NLN: variants seen among roughly 807,000 people sequenced by gnomAD.
NLN encodes the protein neurolysin, mitochondrial.
Under a neutral mutation model 79.9 loss-of-function variants are expected in NLN, and 64 were observed. The observed-to-expected ratio is 0.80, with a 90% CI of 0.65 to 0.99. NLN has a LOEUF of 0.99. NLN is among the 50% of genes least tolerant of loss of function. The pLI is 0.00. For synonymous variants in NLN, 267 were observed against 296.6 expected (o/e 0.90, Z 1.02); for missense variants, 835 against 858.7 (o/e 0.97, Z 0.34).
intron 3 of NLN, among the ~76,000 whole-genome samples, chr5:65,774,180 G>A (rs1315674223): frequency 6.6e-6 from 1 of 151,558 alleles, no homozygotes; most frequent in Non-Finnish European, 1.5e-5. Flanking sequence ...ATGCAGACAG[G>A]GAGAGAGAAT....
At chr5:65,730,040 T>C (rs1257052137) in intron 1 of NLN, among the ~76,000 whole-genome samples, 1 of 152,230 alleles carries the variant, frequency 6.6e-6, no homozygotes, top group Non-Finnish European at 1.5e-5. Flanking sequence ...GATAATTGAT[T>C]GGCTGATTTC....
intron 3 of NLN, among the ~76,000 whole-genome samples, chr5:65,766,116 G>T (rs1335703315): frequency 6.6e-6 from 1 of 152,164 alleles, no homozygotes; most frequent in African/African-American, 2.4e-5. Flanking sequence ...CTGACTTGGG[G>T]TCTGACATGT....
intron 1 of NLN, among the ~76,000 whole-genome samples, chr5:65,731,391 A>G (rs1227827781): frequency 6.6e-6 from 1 of 152,224 alleles, no homozygotes; most frequent in African/African-American, 2.4e-5. Flanking sequence ...CAGGTAGAAA[A>G]TTGAGGCCAT....
At chr5:65,801,818 T>TG (rs5868421) in intron 9 of NLN, among the ~76,000 whole-genome samples, 109,368 of 151,920 alleles carry the variant, frequency 0.72, 39,707 homozygotes, top group African/African-American at 0.8. Context: ...CATTTGTGTA[T>TG]TTTTTTTCTG....
At position 65,789,201 on chromosome 5, in the gene NLN, T is replaced by C. The variant is rs1469487716; in HGVS notation, c.1325+717T>C. Among the ~76,000 whole-genome samples the C allele has an allele frequency of 2.0e-5, 3 of 152,332 alleles. No homozygotes were observed. In the East Asian group the frequency reaches 5.8e-4, roughly 29 times the overall value. ...TCACATGGGCTTCTTAGTATACAGA[T>C]TTAAAATGTGGGTCTGAAGCCAGAA... is the stretch of plus-strand genomic sequence containing the variant. On this transcript the variant is annotated intron_variant, in intron 8 of 12. Transcript: ENST00000380985.
intron 1 of NLN, among the ~76,000 whole-genome samples, chr5:65,743,565 A>G (rs1758912829): frequency 6.6e-6 from 1 of 152,198 alleles, no homozygotes; most frequent in Non-Finnish European, 1.5e-5. Flanking sequence ...AAAAATATAT[A>G]CAAACAGTAT....
intron 1 of NLN, among the ~76,000 whole-genome samples, chr5:65,730,876 C>G (rs149748096): frequency 5.9e-5 from 9 of 152,248 alleles, no homozygotes; most frequent in African/African-American, 2.2e-4. Context: ...AAGATTGAAA[C>G]AAATATAGAA....
intron 1 of NLN, among the ~76,000 whole-genome samples, chr5:65,752,778 A>G (rs767719233): frequency 5.9e-5 from 9 of 152,238 alleles, no homozygotes; most frequent in Non-Finnish European, 1.3e-4. Flanking sequence ...AAAATGTTTT[A>G]GTTAGAAGTA....
intron 1 of NLN, among the ~76,000 whole-genome samples, chr5:65,737,004 C>T (rs1016563416): frequency 2.0e-5 from 3 of 152,052 alleles, no homozygotes; most frequent in African/African-American, 4.8e-5. Context: ...ACTCGGAAGG[C>T]TAAGGTGGGA....
chr5:65,737,291 AATAAATCTCTAAATG>A (rs1758748529), intron 1 of NLN, among the ~76,000 whole-genome samples: 1 of 152,130 alleles, frequency 6.6e-6, no homozygotes, highest in South Asian at 2.1e-4. Flanking sequence ...TCTCTAAACT[AATAAATCTCTAAATG>A]GTAACATCAT....
At chr5:65,818,804 A>C (rs1229522312) in intron 12 of NLN, 1 of 152,108 alleles carries the variant, frequency 6.6e-6, no homozygotes, top group Non-Finnish European at 1.5e-5. Flanking sequence ...CAGTGTAGGA[A>C]GGAGACAGCT....
rs141646760 is a variant in NLN, at chr5:65,725,339, T to C, written c.41+2925T>C. Among the ~76,000 whole-genome samples the C allele has an allele frequency of 6.0e-3, 919 of 152,344 alleles. 20 individuals carry two copies. Among genetic ancestry groups the C allele is most frequent in the Admixed American group, 0.047 (723 of 15,302 alleles). ...ATCAAAGTTTGACAAATCGTAGCTT[T>C]TTAAAGGTTAGTTACAAAGTGGAAT... On this transcript the variant is annotated intron_variant, in intron 1 of 12. Coordinates refer to ENST00000380985, the MANE Select transcript of NLN (RefSeq NM_020726.5).
chr5:65,734,608 C>T (rs1295562362), intron 1 of NLN, among the ~76,000 whole-genome samples: 2 of 151,760 alleles, frequency 1.3e-5, no homozygotes, highest in Admixed American at 6.6e-5. Context: ...TCCTGTTTGG[C>T]ATTCAAGAGG....
intron 1 of NLN, among the ~76,000 whole-genome samples, chr5:65,749,619 G>A (rs909476596): frequency 7.2e-5 from 11 of 152,186 alleles, no homozygotes; most frequent in Non-Finnish European, 1.3e-4. Context: ...TGGAACAGTG[G>A]CAGAATGTAT....
chr5:65,744,518 A>G (rs960424874), intron 1 of NLN, among the ~76,000 whole-genome samples: 14 of 149,066 alleles, frequency 9.4e-5, no homozygotes, highest in Admixed American at 7.4e-4. Context: ...TCATAATTCC[A>G]GATGATAGAT....
At chr5:65,757,571 T>C (rs1306706598) in intron 1 of NLN, among the ~76,000 whole-genome samples, 1 of 151,900 alleles carries the variant, frequency 6.6e-6, no homozygotes, top group Admixed American at 6.6e-5. Flanking sequence ...ACATTTTTAT[T>C]TGTAAGCCCT....
intron 12 of NLN, among the ~76,000 whole-genome samples, chr5:65,819,838 A>G (rs1331864424): frequency 6.6e-6 from 1 of 152,196 alleles, no homozygotes; most frequent in African/African-American, 2.4e-5. Flanking sequence ...AAATTCACTT[A>G]ACTATTTTTT....
chr5:65,731,546 C>T (rs1350586766), intron 1 of NLN, among the ~76,000 whole-genome samples: 2 of 152,028 alleles, frequency 1.3e-5, no homozygotes, highest in Admixed American at 6.6e-5. Flanking sequence ...ATAGATGTTT[C>T]AGTTGTTTTT....
Position 65,815,943 on chromosome 5 carries a change from G to A in NLN, c.1980+3552G>A, listed in dbSNP as rs1760660397. ...GATGAAGAGAAAAAGAAATTCTTTT[G>A]TTGTCCCAAAGCATTAATTTTTGGT... On this transcript the variant is annotated intron_variant, in intron 12 of 12. Transcript: ENST00000380985. Among the ~76,000 whole-genome samples, 5 of 152,044 alleles carry A rather than the reference G, an allele frequency of 3.3e-5. 1 individual carries two copies. The South Asian group carries it at 1.0e-3, about 32-fold the overall frequency.
Sources: allele counts gnomAD v4.1 joint callset (sites outside exome capture counted in the v4.1 genomes callset), GRCh38; gene constraint gnomAD v4.1.1; transcripts MANE v1.5; gene names NCBI Gene and HGNC (gene_info 2026-07-23, HGNC 2026-07-21).